Variants in SPAG6 observed in about 807,000 individuals in gnomAD.
The protein encoded by SPAG6 is sperm associated antigen 6.
SPAG6 carries 49 observed loss-of-function variants against 58.5 expected under a neutral mutation model. The ratio of observed to expected loss-of-function variants is 0.84; its 90% confidence interval spans 0.67 to 1.06. The LOEUF is 1.06. SPAG6 is among the 50% of genes least tolerant of loss of function. SPAG6 has a pLI of 0.00. For missense variants in SPAG6, 560 were observed against 611.3 expected, an observed-to-expected ratio of 0.92 and a Z score of 0.89; for synonymous variants, 233 against 225.6, an observed-to-expected ratio of 1.03 and a Z score of -0.29.
chr10:22,411,252 CTG>C (rs1834726958), intron 10 of SPAG6, 76 bp downstream of exon 10: 1 of 1,293,372 alleles, frequency 7.7e-7, no homozygotes, highest in Non-Finnish European at 1.1e-6. Flanking sequence ...TTTATATCCA[CTG>C]TGTCAAAATG....
intron 2 of SPAG6, among the ~76,000 whole-genome samples, chr10:22,363,245 T>G (rs1837093174): frequency 6.6e-6 from 1 of 152,212 alleles, no homozygotes; most frequent in South Asian, 2.1e-4. Flanking sequence ...GATGGACAAT[T>G]TTTTTAAATC....
intron 2 of SPAG6, among the ~76,000 whole-genome samples, chr10:22,353,068 T>C (rs1836774806): frequency 6.6e-6 from 1 of 152,208 alleles, no homozygotes; most frequent in Non-Finnish European, 1.5e-5. Flanking sequence ...CATATATTAA[T>C]ATTTTGGAGT....
rs370755348 is a variant in SPAG6 at position 22,358,657 on chromosome 10, A to G, written c.122-6196A>G. 2.0e-5 allele frequency among the ~76,000 whole-genome samples: 3 copies of G among 151,822 alleles called. No individual in the cohort carries two copies. The East Asian group carries it at 5.8e-4, about 29-fold the overall frequency. On this transcript the variant is annotated intron_variant, in intron 2 of 10. Coordinates refer to ENST00000376624, the MANE Select transcript of SPAG6 (RefSeq NM_012443.4). ...TGTTTTAGACATGAAGTCCTTGCCC[A>G]TGCCTATGTCCTGAATGGTAATGCC...
At chr10:22,386,990 A>G in intron 5 of SPAG6, 31 bp downstream of exon 5, 1 of 1,532,362 alleles carries the variant, frequency 6.5e-7, no homozygotes, top group Non-Finnish European at 9.0e-7. Flanking sequence ...AAAATACATC[A>G]GCCTTCTTAT....
At chr10:22,356,152 C>T (rs1836860074) in intron 2 of SPAG6, among the ~76,000 whole-genome samples, 1 of 152,158 alleles carries the variant, frequency 6.6e-6, no homozygotes, top group African/African-American at 2.4e-5. Context: ...TATGCTAGGT[C>T]ACTTGAAGAA....
In SPAG6 at chr10:22,386,710, G is replaced by T. The variant is rs1439521950; in HGVS notation, c.473-44G>T. 7 of 1,505,428 alleles carry T rather than the reference G, an allele frequency of 4.6e-6. No homozygotes were observed. The East Asian group carries it at 1.6e-4, about 34-fold the overall frequency. 93.3% of individuals were successfully genotyped at this position (1,505,428 alleles called of 1,614,324 possible). Reference sequence around the variant, plus strand: ...AGGGTGAAAAATGGCTTGCACAAGGGTCAGTCACCCATACTCACTTAATTA... The same window carrying T: ...AGGGTGAAAAATGGCTTGCACAAGGTTCAGTCACCCATACTCACTTAATTA... On this transcript the variant is annotated intron_variant, in intron 4 of 10. Transcript: ENST00000376624.
rs1041246206 is a variant in SPAG6, at chr10:22,357,664, G to A, written c.122-7189G>A. Among the ~76,000 whole-genome samples the A allele has an allele frequency of 1.3e-3, 197 of 151,372 alleles. 1 individual carries two copies. Among genetic ancestry groups the A allele is most frequent in the African/African-American group, 4.1e-3 (167 of 41,194 alleles). ...TTTGTCACATATGTATACATGTGCC[G>A]TGCTGGTGTGCTGCACCCATTAACT... On this transcript the variant is annotated intron_variant, in intron 2 of 10. Transcript: ENST00000376624.
chr10:22,382,483 A>G (rs1833978666), intron 4 of SPAG6, among the ~76,000 whole-genome samples: 1 of 152,214 alleles, frequency 6.6e-6, no homozygotes, highest in Non-Finnish European at 1.5e-5. Context: ...AACTTTAATA[A>G]GGGTCTGAAT....
intron 2 of SPAG6, among the ~76,000 whole-genome samples, chr10:22,346,497 T>TTTCTTC (rs1554776509): frequency 2.5e-3 from 183 of 74,384 alleles, no homozygotes; most frequent in African/African-American, 9.2e-3. Context: ...CTTCTTCTTC[T>TTTCTTC]TTCTTCTTCT....
At position 22,345,583 on chromosome 10, in the gene SPAG6, C is replaced by A. The variant is rs775295289; in HGVS notation, c.-29C>A. The A allele has an allele frequency of 2.7e-5, 41 of 1,523,236 alleles. No homozygotes were observed. In the Admixed American group the frequency reaches 9.0e-4, roughly 33 times the overall value. The allele number at this position is 1,523,236 out of a possible 1,614,324, so 94.4% of individuals were successfully genotyped here. A position where few individuals can be genotyped will look rare whatever the true frequency, so the allele number is the denominator to read the frequency against. ...GGCCGAGCGGCTTCCCCGCAGAGCT[C>A]GAGGAGGGCAGACGGCGGCGGGGGC... On this transcript the variant is annotated 5_prime_UTR_variant, in exon 1 of 11. Transcript: ENST00000376624. This position sits in a 1 kb window ranked among gnomAD's most constrained non-coding sequence, Gnocchi z 6.3.
chr10:22,371,783 C>T (rs115196026), intron 4 of SPAG6, among the ~76,000 whole-genome samples: 1,715 of 152,142 alleles, frequency 0.011, 28 homozygotes, highest in African/African-American at 0.038. Flanking sequence ...AGAGAGAAGC[C>T]GATGGGCATT....
chr10:22,347,609 C>T (rs1836599839), intron 2 of SPAG6, among the ~76,000 whole-genome samples: 1 of 152,104 alleles, frequency 6.6e-6, no homozygotes, highest in Non-Finnish European at 1.5e-5. Flanking sequence ...GTATACATAA[C>T]TTTTAAGATA....
chr10:22,368,490 T>C lies in SPAG6; in HGVS notation c.289-5T>C. The C allele has an allele frequency of 6.2e-7, 1 of 1,613,178 alleles. No individual in the cohort carries two copies. The highest frequency in any genetic ancestry group is 2.2e-5 in the East Asian group (1 of 44,866). On this transcript the variant is annotated splice_polypyrimidine_tract_variant and splice_region_variant and intron_variant, in intron 3 of 10. Coordinates refer to ENST00000376624, the MANE Select transcript of SPAG6 (RefSeq NM_012443.4). ...TTTTGAGTTTTGTCTGTTTGACCCT[T>C]GTAGCGCTTCTACAAGAAAGCAGCT...
chr10:22,387,501 A>G (rs1330362806), intron 5 of SPAG6, among the ~76,000 whole-genome samples: 1 of 152,170 alleles, frequency 6.6e-6, no homozygotes. Flanking sequence ...CTAAATGATC[A>G]CCTGTCTCAT....
At chr10:22,349,930 T>C (rs190555893) in intron 2 of SPAG6, among the ~76,000 whole-genome samples, 2 of 152,260 alleles carry the variant, frequency 1.3e-5, no homozygotes, top group East Asian at 3.9e-4. Context: ...CCTCTTAATA[T>C]GCTATGAGAA....
chr10:22,364,521 T>G (rs1450263757), intron 2 of SPAG6, among the ~76,000 whole-genome samples: 2 of 152,170 alleles, frequency 1.3e-5, no homozygotes, highest in Non-Finnish European at 2.9e-5. Context: ...TTTTTTGTGT[T>G]AGGCATCATA....
intron 9 of SPAG6, among the ~76,000 whole-genome samples, chr10:22,406,786 G>A (rs923083542): frequency 1.3e-5 from 2 of 152,024 alleles, no homozygotes; most frequent in African/African-American, 4.8e-5. Context: ...CTCTTTGTAG[G>A]TCACTCAGGA....
intron 4 of SPAG6, among the ~76,000 whole-genome samples, 195 bp from the exon 5 acceptor site, chr10:22,386,559 A>G (rs1246808016): frequency 2.0e-5 from 3 of 152,056 alleles, no homozygotes; most frequent in Non-Finnish European, 1.5e-5. Context: ...AGGTCCATCT[A>G]TTGACCTGTA....
chr10:22,346,452 T>C (rs1464049883), intron 2 of SPAG6, among the ~76,000 whole-genome samples: 1 of 138,686 alleles, frequency 7.2e-6, no homozygotes, highest in African/African-American at 3.2e-5. Context: ...CTTCTTCTTC[T>C]TCTTCTTCTT....
Sources: allele counts gnomAD v4.1 joint callset (sites outside exome capture counted in the v4.1 genomes callset), GRCh38; gene constraint gnomAD v4.1.1; non-coding constraint Gnocchi (gnomAD v3.1); transcripts MANE v1.5; gene names NCBI Gene and HGNC (gene_info 2026-07-23, HGNC 2026-07-21).